The following SH3GL3 variants were observed in gnomAD, a reference collection of about 807,000 sequenced individuals.
The protein encoded by SH3GL3 is endophilin-A3.
A neutral mutation model predicts 47.7 loss-of-function variants in SH3GL3; 33 were observed. The observed-to-expected ratio is 0.69, with a 90% CI of 0.52 to 0.92. SH3GL3 has a LOEUF of 0.92. Ranked by LOEUF, SH3GL3 falls within the 40% of genes least tolerant of loss-of-function variation. The pLI, the probability that SH3GL3 is intolerant of heterozygous loss-of-function variation, is 0.00. For synonymous variants in SH3GL3, 155 were observed against 148.8 expected (o/e 1.04, Z -0.30); for missense variants, 363 against 417.8 (o/e 0.87, Z 1.14).
At position 83,526,248 on chromosome 15, in the gene SH3GL3, G is replaced by A. The variant is rs183316194; in HGVS notation, c.46-33005G>A. Among the ~76,000 whole-genome samples, 275 of 152,290 alleles carry A rather than the reference G, an allele frequency of 1.8e-3. 2 individuals carry two copies. The highest frequency in any genetic ancestry group is 0.016 in the Admixed American group (242 of 15,298). On this transcript the variant is annotated intron_variant, in intron 1 of 8. Transcript: ENST00000427482. ...GGAATTAGTTCAATCATTGTGGAAA[G>A]CAGTGTGGTGATTCCTCAGAGAGCT...
chr15:83,605,122 G>A (rs747094809), intron 8 of SH3GL3, among the ~76,000 whole-genome samples: 11 of 152,204 alleles, frequency 7.2e-5, no homozygotes, highest in Non-Finnish European at 1.3e-4. Context: ...GATCACAGAC[G>A]TGCAGAAGCT....
chr15:83,599,530 T>C (rs756669204), intron 8 of SH3GL3, among the ~76,000 whole-genome samples: 3 of 152,262 alleles, frequency 2.0e-5, no homozygotes, highest in African/African-American at 7.2e-5. Context: ...CATTAGTTCA[T>C]TTCTTTTTAT....
At chr15:83,531,399 T>G (rs532932095) in intron 1 of SH3GL3, among the ~76,000 whole-genome samples, 2 of 152,210 alleles carry the variant, frequency 1.3e-5, no homozygotes, top group East Asian at 3.9e-4. Context: ...GTTAGCTATA[T>G]GGAAAAACTT....
chr15:83,540,879 T>C (rs1233774097), intron 1 of SH3GL3, among the ~76,000 whole-genome samples: 4 of 152,204 alleles, frequency 2.6e-5, no homozygotes, highest in Non-Finnish European at 4.4e-5. Context: ...TATTATCTCT[T>C]ATTCATTATA....
chr15:83,525,415 A>T (rs746792360), intron 1 of SH3GL3, among the ~76,000 whole-genome samples: 16 of 150,560 alleles, frequency 1.1e-4, no homozygotes, highest in Admixed American at 2.7e-4. Context: ...TAAATTCTGG[A>T]TATTAGTTTC....
At chr15:83,632,364 G>C in the SH3GL3 span, among the ~76,000 whole-genome samples, 2 of 152,202 alleles carry the variant, frequency 1.3e-5, no homozygotes, top group Non-Finnish European at 2.9e-5. Flanking sequence ...CCTGGTGGAA[G>C]AGGTTTCTGC....
At chr15:83,613,627 CTAT>C (rs2060730523) in intron 8 of SH3GL3, among the ~76,000 whole-genome samples, 1 of 89,022 alleles carries the variant, frequency 1.1e-5, no homozygotes, top group Admixed American at 1.2e-4. Context: ...ATAAATCTAT[CTAT>C]CTATCTATCT....
intron 8 of SH3GL3, among the ~76,000 whole-genome samples, chr15:83,589,244 T>C (rs1204691685): frequency 6.6e-6 from 1 of 152,230 alleles, no homozygotes; most frequent in Non-Finnish European, 1.5e-5. Context: ...CTATAGTCTC[T>C]TGTGATCACC....
At chr15:83,508,133 G>C (rs2042589652) in intron 1 of SH3GL3, among the ~76,000 whole-genome samples, 1 of 151,920 alleles carries the variant, frequency 6.6e-6, no homozygotes, top group Admixed American at 6.6e-5. Flanking sequence ...GTAGAGACGG[G>C]GTTTCACCAT....
intron 8 of SH3GL3, among the ~76,000 whole-genome samples, chr15:83,604,301 A>G (rs1311752503): frequency 6.6e-6 from 1 of 152,198 alleles, no homozygotes; most frequent in Non-Finnish European, 1.5e-5. Flanking sequence ...CACTGTCTCT[A>G]TCTTTCCAGC....
chr15:83,576,598 C>G lies in SH3GL3; in HGVS notation c.481C>G (p.Leu161Val). The G allele has an allele frequency of 6.2e-7, 1 of 1,605,782 alleles. No homozygotes were observed. Among genetic ancestry groups the G allele is most frequent in the Non-Finnish European group, 8.5e-7 (1 of 1,177,226 alleles). Reference protein sequence around the residue: ...LKEIGHHLKKLEGRRLDYDYK... With the variant: ...LKEIGHHLKKVEGRRLDYDYK... ...CTTTTTTTAGCATCACCTGAAAAAG[C>G]TGGAAGGCCGCCGCCTGGATTACGA... is the stretch of plus-strand genomic sequence containing the variant. The change falls in exon 6 of 9, where the codon CTG becomes GTG. Residue 161 changes from leucine (L) to valine (V), a missense_variant. By Grantham distance (32) the Leu-to-Val change is conservative (BLOSUM62 1). Transcript: ENST00000427482.
chr15:83,615,633 C>T (rs947030484), intron 8 of SH3GL3, among the ~76,000 whole-genome samples: 1 of 151,968 alleles, frequency 6.6e-6, no homozygotes, highest in African/African-American at 2.4e-5. Flanking sequence ...ATTATAAAGC[C>T]ACAGTATTTA....
At chr15:83,627,797 C>T in the SH3GL3 span, among the ~76,000 whole-genome samples, 1 of 152,190 alleles carries the variant, frequency 6.6e-6, no homozygotes, top group South Asian at 2.1e-4. Context: ...GAAGTACTGA[C>T]TGTGAGTGTC....
At chr15:83,505,440 T>C (rs959273843) in intron 1 of SH3GL3, among the ~76,000 whole-genome samples, 3 of 152,066 alleles carry the variant, frequency 2.0e-5, no homozygotes, top group African/African-American at 7.2e-5. Flanking sequence ...GTAAGTGATA[T>C]CTCATTGGGA....
intron 5 of SH3GL3, among the ~76,000 whole-genome samples, chr15:83,574,029 G>C (rs899271012): frequency 6.6e-5 from 10 of 152,308 alleles, no homozygotes; most frequent in Middle Eastern, 3.4e-3. Context: ...TGCAGACTGG[G>C]AGACTGGGGT....
At chr15:83,560,031 G>T (rs1228330243) in intron 2 of SH3GL3, among the ~76,000 whole-genome samples, 1 of 152,200 alleles carries the variant, frequency 6.6e-6, no homozygotes, top group Non-Finnish European at 1.5e-5. Context: ...GGTGGAGGCA[G>T]AACTAGAACC....
At chr15:83,537,018 A>G (rs563891792) in intron 1 of SH3GL3, among the ~76,000 whole-genome samples, 2 of 152,266 alleles carry the variant, frequency 1.3e-5, no homozygotes, top group Non-Finnish European at 2.9e-5. Context: ...TAGCTGGGGT[A>G]GGTTTTTGTC....
At chr15:83,510,422 A>C (rs1338776975) in intron 1 of SH3GL3, among the ~76,000 whole-genome samples, 2 of 152,164 alleles carry the variant, frequency 1.3e-5, no homozygotes, top group Non-Finnish European at 2.9e-5. Context: ...TTTGGAATCT[A>C]ATGTCTAACC....
intron 5 of SH3GL3, among the ~76,000 whole-genome samples, chr15:83,576,358 A>ATT (rs1596295315): frequency 6.6e-6 from 1 of 152,234 alleles, no homozygotes; most frequent in East Asian, 1.9e-4. Flanking sequence ...TCATTCTATC[A>ATT]CCGATCTGTC....
Sources: allele counts gnomAD v4.1 joint callset (sites outside exome capture counted in the v4.1 genomes callset), GRCh38; gene constraint gnomAD v4.1.1; transcripts MANE v1.5; gene names NCBI Gene and HGNC (gene_info 2026-07-23, HGNC 2026-07-21).